The following LRP1B variants were observed in gnomAD, a reference collection of about 807,000 sequenced individuals.
The protein encoded by LRP1B is LDL receptor related protein 1B, also known as low-density lipoprotein receptor-related protein 1B.
In LRP1B, 217 loss-of-function variants were observed where a neutral mutation model predicts 556.6. The ratio of observed to expected loss-of-function variants is 0.39; its 90% CI spans 0.35 to 0.44. The LOEUF (loss-of-function observed/expected upper bound fraction) is 0.44, where lower values mean the gene tolerates loss of function less well. Among genes scored for constraint, LRP1B ranks in the 20% least tolerant of loss-of-function variants. The pLI, the probability that LRP1B is intolerant of heterozygous loss-of-function variation, is 1.00. For synonymous variants in LRP1B, 2,047 were observed against 1,865.8 expected, an observed-to-expected ratio of 1.10 and a Z score of -2.50; for missense variants, 5,053 against 5,620.8, an observed-to-expected ratio of 0.90 and a Z score of 3.23.
At chr2:140,793,529 G>T (rs1465851759) in intron 32 of LRP1B, among the ~76,000 whole-genome samples, 1 of 151,960 alleles carries the variant, frequency 6.6e-6, no homozygotes, top group East Asian at 1.9e-4. Flanking sequence ...AAAATTTACT[G>T]ACTAGAAATA....
chr2:141,371,200 G>A lies in LRP1B; in HGVS notation c.343+109196C>T, dbSNP rs376613768. On this transcript the variant is annotated intron_variant, in intron 3 of 90. Transcript: ENST00000389484. ...TGTTCATGTTCGCCAGGCTGGTCCT[G>A]AACTTAGTTCTCTATTCTATTCCAT... 1.1e-3 allele frequency among the ~76,000 whole-genome samples: 172 copies of A among 152,164 alleles called. 1 individual carries two copies. The South Asian group carries it at 0.033, about 29-fold the overall frequency.
intron 23 of LRP1B, among the ~76,000 whole-genome samples, chr2:140,900,098 T>C (rs1182467717): frequency 6.6e-6 from 1 of 152,234 alleles, no homozygotes. Flanking sequence ...GAACACCTCC[T>C]TTCTGCCCCT....
chr2:140,279,853 C>G (rs553527845), intron 84 of LRP1B, among the ~76,000 whole-genome samples: 1 of 151,858 alleles, frequency 6.6e-6, no homozygotes, highest in African/African-American at 2.4e-5. Flanking sequence ...ATGATCCCAT[C>G]GAGGTGACTA....
At chr2:141,935,947 A>G (rs1700624051) in intron 1 of LRP1B, among the ~76,000 whole-genome samples, 1 of 152,206 alleles carries the variant, frequency 6.6e-6, no homozygotes, top group African/African-American at 2.4e-5. Flanking sequence ...ACTTTACTAC[A>G]TTAACACACT....
intron 7 of LRP1B, among the ~76,000 whole-genome samples, chr2:141,145,596 C>A (rs530503068): frequency 4.6e-5 from 7 of 150,902 alleles, no homozygotes; most frequent in African/African-American, 1.7e-4. Flanking sequence ...TACAATGGTG[C>A]AATCTCAGCT....
chr2:141,151,909 G>C (rs937554409), intron 7 of LRP1B, among the ~76,000 whole-genome samples: 1 of 151,840 alleles, frequency 6.6e-6, no homozygotes, highest in South Asian at 2.1e-4. Flanking sequence ...TTATAACTAT[G>C]GCAAGATGTC....
At chr2:141,110,290 T>G (rs1700717483) in intron 7 of LRP1B, among the ~76,000 whole-genome samples, 1 of 148,026 alleles carries the variant, frequency 6.8e-6, no homozygotes, top group Admixed American at 6.8e-5. Flanking sequence ...CCATAGAATA[T>G]TCACAAAAAT....
intron 3 of LRP1B, among the ~76,000 whole-genome samples, chr2:141,434,250 G>C (rs924375883): frequency 6.6e-6 from 1 of 152,088 alleles, no homozygotes; most frequent in Non-Finnish European, 1.5e-5. Flanking sequence ...AATGGTGTCT[G>C]ACATTTCTCT....
intron 67 of LRP1B, among the ~76,000 whole-genome samples, chr2:140,378,846 A>T (rs76087712): frequency 9.8e-4 from 149 of 152,350 alleles, no homozygotes; most frequent in East Asian, 1.7e-3. Flanking sequence ...AGTTTGTAAG[A>T]TTCATCTTTA....
chr2:140,425,790 T>A (rs1685627824), intron 66 of LRP1B, among the ~76,000 whole-genome samples: 1 of 152,200 alleles, frequency 6.6e-6, no homozygotes, highest in Admixed American at 6.5e-5. Flanking sequence ...ATAGGAATAA[T>A]AACAGTGTAG....
chr2:141,627,502 T>C (rs355589), intron 2 of LRP1B, among the ~76,000 whole-genome samples: 144,121 of 152,294 alleles, frequency 0.95, 68,269 homozygotes, highest in East Asian at 1. Flanking sequence ...CCAACCAGCA[T>C]CACTGCCTGA....
At chr2:141,161,937 GTC>G (rs1198254039) in intron 7 of LRP1B, among the ~76,000 whole-genome samples, 1 of 152,094 alleles carries the variant, frequency 6.6e-6, no homozygotes, top group Non-Finnish European at 1.5e-5. Flanking sequence ...GAAGCCATTT[GTC>G]TCTGTCCTAA....
At chr2:141,081,184 A>G (rs1699913495) in intron 7 of LRP1B, among the ~76,000 whole-genome samples, 1 of 152,114 alleles carries the variant, frequency 6.6e-6, no homozygotes, top group Admixed American at 6.6e-5. Context: ...GGGATTCTGG[A>G]ACAGTTCAGG....
At chr2:140,320,555 T>C (rs1680056378) in intron 82 of LRP1B, among the ~76,000 whole-genome samples, 1 of 152,078 alleles carries the variant, frequency 6.6e-6, no homozygotes, top group Non-Finnish European at 1.5e-5. Context: ...GGAAAATGTT[T>C]GCTGTGATCC....
intron 1 of LRP1B, among the ~76,000 whole-genome samples, chr2:141,924,180 A>G (rs1700274195): frequency 6.6e-6 from 1 of 151,934 alleles, no homozygotes; most frequent in Non-Finnish European, 1.5e-5. Flanking sequence ...GAAGACAAGG[A>G]GATGAGGAGA....
chr2:140,300,881 G>T (rs1683791274), intron 83 of LRP1B, among the ~76,000 whole-genome samples: 1 of 151,956 alleles, frequency 6.6e-6, no homozygotes, highest in Non-Finnish European at 1.5e-5. Context: ...TTTTAGCTCT[G>T]ATTATTATTA....
chr2:141,428,590 G>A (rs1344579085), intron 3 of LRP1B, among the ~76,000 whole-genome samples: 3 of 152,070 alleles, frequency 2.0e-5, no homozygotes. Context: ...CTCTTCAATT[G>A]TCTAATATGT....
At chr2:142,000,736 G>A (rs992749044) in intron 1 of LRP1B, among the ~76,000 whole-genome samples, 1 of 152,048 alleles carries the variant, frequency 6.6e-6, no homozygotes, top group Non-Finnish European at 1.5e-5. Flanking sequence ...TTAATTGTTG[G>A]AAGACCATTT....
rs193081096 is a variant in LRP1B at position 141,740,947 on chromosome 2, C to A, written c.205+69332G>T. The stretch of plus-strand genomic sequence containing the variant: ...CTCTCTCTAGTTTCTGGTAAACCAG[C>A]CTTCTACTTTCTACCTCCGTGAGTT... On this transcript the variant is annotated intron_variant, in intron 2 of 90. Transcript: ENST00000389484. 4.0e-3 allele frequency among the ~76,000 whole-genome samples: 602 copies of A among 152,248 alleles called. 4 individuals are homozygous for A. The highest frequency in any genetic ancestry group is 0.014 in the African/African-American group (563 of 41,548).
Sources: allele counts gnomAD v4.1 joint callset (sites outside exome capture counted in the v4.1 genomes callset), GRCh38; gene constraint gnomAD v4.1.1; transcripts MANE v1.5; gene names NCBI Gene and HGNC (gene_info 2026-07-23, HGNC 2026-07-21).